FHIT: variants seen among roughly 807,000 people sequenced by gnomAD.
FHIT encodes the protein fragile histidine triad diadenosine triphosphatase, also known as bis(5'-adenosyl)-triphosphatase.
In FHIT, 19 loss-of-function variants were observed where a neutral mutation model predicts 17.9. The ratio of observed to expected loss-of-function variants is 1.06; its 90% CI spans 0.74 to 1.56. The LOEUF (loss-of-function observed/expected upper bound fraction) is 1.56, where lower values mean the gene tolerates loss of function less well. Ranked by LOEUF, FHIT falls within the 40% of genes most tolerant of loss-of-function variation. The probability of loss-of-function intolerance (pLI) is 0.00; values close to 1 mark genes in which losing one functional copy is unlikely to be tolerated. For synonymous variants in FHIT, 81 were observed against 69.7 expected, an observed-to-expected ratio of 1.16 and a Z score of -0.81; for missense variants, 248 against 189.2, an observed-to-expected ratio of 1.31 and a Z score of -1.82.
intron 5 of FHIT, among the ~76,000 whole-genome samples, chr3:60,208,484 T>C (rs1386088839): frequency 6.6e-6 from 1 of 152,202 alleles, no homozygotes; most frequent in Non-Finnish European, 1.5e-5. Context: ...AATGCCCACA[T>C]TATGAGAAAA....
intron 5 of FHIT, among the ~76,000 whole-genome samples, chr3:60,200,673 A>G (rs1022479436): frequency 5.7e-4 from 85 of 148,816 alleles, no homozygotes; most frequent in Non-Finnish European, 1.0e-3. Context: ...TTTTGGGGGA[A>G]AAAAAAAAAA....
chr3:60,987,610 T>G (rs1020514544), intron 3 of FHIT, among the ~76,000 whole-genome samples: 2 of 152,230 alleles, frequency 1.3e-5, no homozygotes, highest in Admixed American at 6.5e-5. Flanking sequence ...GTGAGACCCC[T>G]GATTTCCCAC....
intron 5 of FHIT, among the ~76,000 whole-genome samples, chr3:60,101,200 G>C (rs1459330061): frequency 2.0e-5 from 3 of 152,214 alleles, no homozygotes; most frequent in African/African-American, 7.2e-5. Flanking sequence ...CCCTGACCCT[G>C]TGCTTCAATG....
chr3:60,012,647 C>A (rs1700187302), intron 6 of FHIT, among the ~76,000 whole-genome samples: 1 of 151,912 alleles, frequency 6.6e-6, no homozygotes, highest in Non-Finnish European at 1.5e-5. Flanking sequence ...CTCTGGTTTC[C>A]TTTATCAATA....
intron 5 of FHIT, among the ~76,000 whole-genome samples, chr3:60,199,676 T>C (rs1702808007): frequency 6.6e-6 from 1 of 152,188 alleles, no homozygotes; most frequent in Admixed American, 6.6e-5. Context: ...GTTATGTTTT[T>C]ATCCTGAGAT....
intron 5 of FHIT, among the ~76,000 whole-genome samples, chr3:60,444,630 C>G (rs904754336): frequency 9.9e-5 from 15 of 151,872 alleles, no homozygotes; most frequent in African/African-American, 3.4e-4. Flanking sequence ...TCACTCATAG[C>G]TGGGAATTGA....
At chr3:59,794,504 A>G (rs1471050331) in intron 8 of FHIT, among the ~76,000 whole-genome samples, 1 of 152,216 alleles carries the variant, frequency 6.6e-6, no homozygotes, top group African/African-American at 2.4e-5. Context: ...TAACAAAAGT[A>G]GCCACCACCT....
intron 2 of FHIT, among the ~76,000 whole-genome samples, chr3:61,187,516 G>A (rs191890123): frequency 6.6e-5 from 10 of 152,232 alleles, no homozygotes; most frequent in Admixed American, 6.5e-4. Flanking sequence ...ACATCACACA[G>A]ATCAACGAGA....
intron 5 of FHIT, among the ~76,000 whole-genome samples, chr3:60,454,381 A>C (rs2031948670): frequency 1.3e-5 from 2 of 150,828 alleles, no homozygotes; most frequent in South Asian, 4.2e-4. Flanking sequence ...TTTTTTAACC[A>C]AACTTTTTTT....
At chr3:60,004,256 T>C (rs1229562220) in intron 7 of FHIT, among the ~76,000 whole-genome samples, 1 of 152,150 alleles carries the variant, frequency 6.6e-6, no homozygotes, top group Non-Finnish European at 1.5e-5. Flanking sequence ...GACAGTTTAC[T>C]GAATCCTATA....
intron 2 of FHIT, among the ~76,000 whole-genome samples, chr3:61,108,364 CACTT>C (rs1455739769): frequency 3.9e-5 from 6 of 152,208 alleles, no homozygotes; most frequent in Admixed American, 1.3e-4. Context: ...ATTCACTCAA[CACTT>C]ACTTCCTAGA....
chr3:60,908,789 G>A (rs994419809), intron 3 of FHIT, among the ~76,000 whole-genome samples: 2 of 151,166 alleles, frequency 1.3e-5, no homozygotes, highest in Non-Finnish European at 2.9e-5. Context: ...TGAAAACGCA[G>A]GGCAACACAC....
intron 5 of FHIT, among the ~76,000 whole-genome samples, chr3:60,071,353 T>G (rs1702761599): frequency 6.6e-6 from 1 of 152,244 alleles, no homozygotes; most frequent in African/African-American, 2.4e-5. Context: ...ATTAATTTCT[T>G]TTACTTTTTA....
intron 5 of FHIT, among the ~76,000 whole-genome samples, chr3:60,466,031 T>C (rs2032771387): frequency 6.6e-6 from 1 of 152,118 alleles, no homozygotes; most frequent in African/African-American, 2.4e-5. Context: ...TGGAATATCT[T>C]TCCATTTATC....
At chr3:60,107,018 G>A (rs897991452) in intron 5 of FHIT, among the ~76,000 whole-genome samples, 5 of 152,022 alleles carry the variant, frequency 3.3e-5, no homozygotes, top group African/African-American at 1.2e-4. Flanking sequence ...GTTCACGGTG[G>A]TTTTATAATA....
chr3:61,226,817 C>A (rs1050255488), intron 1 of FHIT, among the ~76,000 whole-genome samples: 3 of 152,064 alleles, frequency 2.0e-5, no homozygotes, highest in Admixed American at 6.6e-5. Flanking sequence ...CTTTTTTCAT[C>A]CTCCAGCCAA....
At chr3:60,613,235 T>A (rs1387689526) in intron 4 of FHIT, among the ~76,000 whole-genome samples, 1 of 152,178 alleles carries the variant, frequency 6.6e-6, no homozygotes, top group African/African-American at 2.4e-5. Context: ...ATTTGTGGCA[T>A]TTCCAAGTCT....
intron 4 of FHIT, among the ~76,000 whole-genome samples, chr3:60,547,220 G>A (rs571725289): frequency 6.6e-6 from 1 of 152,224 alleles, no homozygotes; most frequent in African/African-American, 2.4e-5. Context: ...ATATTCTGTG[G>A]AATTTTCCAG....
At chr3:60,427,678 C>T (rs1187609917) in intron 5 of FHIT, among the ~76,000 whole-genome samples, 1 of 152,072 alleles carries the variant, frequency 6.6e-6, no homozygotes, top group Admixed American at 6.6e-5. Flanking sequence ...GTGATTATGC[C>T]TAATTGAGTT....
Sources: allele counts gnomAD v4.1 joint callset (sites outside exome capture counted in the v4.1 genomes callset), GRCh38; gene constraint gnomAD v4.1.1; transcripts MANE v1.5; gene names NCBI Gene and HGNC (gene_info 2026-07-23, HGNC 2026-07-21).